The following C3 variants were observed in gnomAD, a reference collection of about 807,000 sequenced individuals.
C3 encodes complement C3.
In C3, 97 loss-of-function variants were observed where a neutral mutation model predicts 207.9. The ratio of observed to expected loss-of-function variants is 0.47; its 90% confidence interval spans 0.40 to 0.55. The LOEUF (loss-of-function observed/expected upper bound fraction) is 0.55. C3 is among the 20% of genes least tolerant of loss of function. C3 has a pLI of 0.00. For missense variants in C3, 1,684 were observed against 2,171.7 expected, an observed-to-expected ratio of 0.78 and a Z score of 4.46; for synonymous variants, 848 against 857.6, an observed-to-expected ratio of 0.99 and a Z score of 0.20.
chr19:6,706,946 C>T, intron 17 of C3, 130 bp downstream of exon 17: 3 of 678,992 alleles, frequency 4.4e-6, no homozygotes, highest in South Asian at 1.8e-5. Flanking sequence ...AGACAGGGGC[C>T]TCCTCCCCCC....
chr19:6,681,879 C>T (rs1254186963), intron 35 of C3, 62 bp downstream of exon 35: 10 of 1,214,088 alleles, frequency 8.2e-6, no homozygotes, highest in Non-Finnish European at 1.2e-5. Flanking sequence ...AAAAGAAAGA[C>T]CAGCCAGATA....
rs1967936901 is a variant in C3 at position 6,712,369 on chromosome 19, C to G, written c.1157G>C (p.Arg386Pro). The change falls in exon 11 of 41, where the codon CGA (arginine) becomes CCA (proline). Residue 386 changes from arginine to proline, a missense_variant. By Grantham distance (103) the Arg-to-Pro change is moderately radical. Transcript: ENST00000245907. ...VTNPDGSPAY[R>P]VPVAVQGEDT... Reference sequence around the variant, plus strand: ...CTCGCCCTGGACTGCCACGGGGACTCGGTAGGCTGGAGAGCCATCAGGGTT... The same window carrying G: ...CTCGCCCTGGACTGCCACGGGGACTGGGTAGGCTGGAGAGCCATCAGGGTT... 1 of 1,613,952 alleles carries G rather than the reference C, an allele frequency of 6.2e-7. No homozygotes were observed. Among genetic ancestry groups the G allele is most frequent in the South Asian group, 1.1e-5 (1 of 91,080 alleles).
rs375107570 is a variant in C3 at position 6,694,639 on chromosome 19, A to G, written c.2951-5T>C. 6.3e-5 allele frequency: 102 copies of G among 1,609,396 alleles called. No individual in the cohort carries two copies. The East Asian group carries it at 1.4e-3, about 22-fold the overall frequency. ...TCATCTGGGCCACTGGGGTCCCTGC[A>G]GCAGGTGGGAAGAGGACGTTGCTCA... is the stretch of plus-strand genomic sequence containing the variant. On this transcript the variant is annotated splice_polypyrimidine_tract_variant and splice_region_variant and intron_variant, in intron 23 of 40. Coordinates refer to ENST00000245907, the MANE Select transcript of C3 (RefSeq NM_000064.4).
intron 4 of C3, chr19:6,717,600 T>C (rs905118841): frequency 1.6e-5 from 4 of 257,390 alleles, no homozygotes; most frequent in Non-Finnish European, 3.1e-5. Flanking sequence ...TTGTGTGTTG[T>C]GTGTGTTTGT....
intron 2 of C3, 59 bp from the exon 3 acceptor site, chr19:6,718,471 G>T: frequency 1.2e-6 from 2 of 1,600,034 alleles, no homozygotes; most frequent in Non-Finnish European, 1.7e-6. Context: ...CCACGGTCCA[G>T]CTTCCGGATC....
chr19:6,720,335 A>G (rs1599530210), intron 1 of C3, among the ~76,000 whole-genome samples, 181 bp downstream of exon 1: 1 of 151,938 alleles, frequency 6.6e-6, no homozygotes, highest in African/African-American at 2.4e-5. Flanking sequence ...TTCCACAAAC[A>G]CCCAACCACA....
intron 19 of C3, among the ~76,000 whole-genome samples, chr19:6,701,108 C>T (rs1025891053): frequency 1.3e-5 from 2 of 152,042 alleles, no homozygotes; most frequent in Admixed American, 1.3e-4. Context: ...GCGAAAAGGA[C>T]GATGGCTACT....
intron 4 of C3, chr19:6,716,844 G>C (rs116303742): frequency 1.3e-5 from 2 of 152,166 alleles, no homozygotes; most frequent in Non-Finnish European, 2.9e-5. Flanking sequence ...GGGTATTTGC[G>C]ACTTTATAGG....
intron 14 of C3, among the ~76,000 whole-genome samples, chr19:6,709,405 G>T (rs1259434236): frequency 6.6e-6 from 1 of 152,100 alleles, no homozygotes. Context: ...CCGAGATTGT[G>T]CCACTGCACT....
At chr19:6,692,039 C>T (rs1019227979) in intron 26 of C3, among the ~76,000 whole-genome samples, 1 of 151,156 alleles carries the variant, frequency 6.6e-6, no homozygotes, top group Non-Finnish European at 1.5e-5. Context: ...CACACACTCA[C>T]ACCCCTCAGA....
intron 10 of C3, 51 bp from the exon 11 acceptor site, chr19:6,712,457 G>T: frequency 1.9e-6 from 3 of 1,614,128 alleles, no homozygotes; most frequent in Non-Finnish European, 2.5e-6. Flanking sequence ...CAGGGCTGTG[G>T]CCGGTGTCCC....
intron 39 of C3, 31 bp from the exon 40 acceptor site, chr19:6,678,318 G>C: frequency 6.2e-7 from 1 of 1,614,206 alleles, no homozygotes; most frequent in East Asian, 2.2e-5. Flanking sequence ...AAGAAGCTGA[G>C]TCGTGGGGAG....
chr19:6,682,306 C>A, intron 33 of C3, 77 bp from the exon 34 acceptor site: 1 of 1,075,914 alleles, frequency 9.3e-7, no homozygotes, highest in Non-Finnish European at 1.4e-6. Flanking sequence ...ACAAGGAGGT[C>A]TGATCAGGCA....
At position 6,693,010 on chromosome 19, in the gene C3, C is replaced by A. The variant is rs972312719; in HGVS notation, c.3304G>T (p.Gly1102Trp). ...TCCAGGATCAGCCATTTAACAGCCC[C>A]GCAGAGGACTTGGGAGTCGATGGCG... The part of the protein sequence containing the change: ...LIAIDSQVLC[G>W]AVKWLILEKQ... The change falls in exon 26 of 41, where the codon GGG becomes TGG. Residue 1102 changes from glycine (G) to tryptophan (W), a missense_variant. Gly to Trp is a radical substitution (Grantham distance 184). Around this residue, in one of 3 missense-constraint regions of C3, gnomAD observed 1,280 missense variants for 1,739.1 expected, o/e 0.74. Transcript: ENST00000245907. 20 of 1,614,072 alleles carry A rather than the reference C, an allele frequency of 1.2e-5. No individual in the cohort carries two copies. The highest frequency in any genetic ancestry group is 1.6e-5 in the Non-Finnish European group (19 of 1,180,034).
chr19:6,710,677 A>G lies in C3; in HGVS notation c.1648T>C (p.Ser550Pro). The change falls in exon 13 of 41, where the codon TCC (serine) becomes CCC (proline). Residue 550 changes from serine to proline, a missense_variant. Ser to Pro is a moderately conservative substitution (Grantham distance 74, BLOSUM62 -1). This residue lies in a region of C3 where 1,280 missense variants were observed against 1,739.1 expected (regional missense o/e 0.74). Coordinates refer to ENST00000245907, the MANE Select transcript of C3 (RefSeq NM_000064.4). ...GAGTCCTTGACGTCCACCCACACGG[A>G]GTCGGCCACCACCTCCCTCTGGCCG... ...ASGQREVVAD[S>P]VWVDVKDSCV... The G allele has an allele frequency of 6.2e-7, 1 of 1,613,348 alleles. No individual in the cohort carries two copies. Among genetic ancestry groups the G allele is most frequent in the East Asian group, 2.2e-5 (1 of 44,868 alleles).
At chr19:6,683,436 GT>G (rs1322521584) in intron 33 of C3, 4 of 117,470 alleles carry the variant, frequency 3.4e-5, no homozygotes, top group African/African-American at 1.3e-4. Context: ...TCTTTATTTT[GT>G]TTTATTCTAT....
At chr19:6,679,780 C>T (rs1917813278) in intron 36 of C3, among the ~76,000 whole-genome samples, 1 of 151,690 alleles carries the variant, frequency 6.6e-6, no homozygotes, top group African/African-American at 2.4e-5. Flanking sequence ...ATCTAGAATC[C>T]TTAGACCCTT....
Position 6,707,662 on chromosome 19 carries a change from C to T in C3, c.1976-125G>A, listed in dbSNP as rs11569431. 3.0e-3 allele frequency: 4,606 copies of T among 1,527,090 alleles called. 109 individuals carry two copies. In the African/African-American group the frequency reaches 0.053, roughly 18 times the overall value. The allele number at this position is 1,527,090 out of a possible 1,614,324, so 94.6% of individuals were successfully genotyped here. A position where few individuals can be genotyped will look rare whatever the true frequency, so the allele number is the denominator to read the frequency against. The stretch of plus-strand genomic sequence containing the variant: ...CATTTGATGGAAGAGCAAACTGAGG[C>T]TCAGAGGGGAGGGATTTACTAGGTG... On this transcript the variant is annotated intron_variant, in intron 15 of 40. Transcript: ENST00000245907.
Position 6,684,588 on chromosome 19 carries a change from C to A in C3, c.4092G>T (p.Lys1364Asn). ...DQLTCNKFDL[K>N]VTIKPAPETE... The stretch of plus-strand genomic sequence containing the variant: ...TTTCCGGTGCTGGTTTTATGGTGAC[C>A]TTGAGGTCGAATTTATTACAGGTGA... The change falls in exon 32 of 41, where the codon AAG (lysine) becomes AAT (asparagine). Residue 1364 changes from lysine to asparagine, a missense_variant. By Grantham distance (94) the Lys-to-Asn change is moderately conservative. This residue lies in a region of C3 where 346 missense variants were observed against 380.1 expected (regional missense o/e 0.91). Coordinates refer to ENST00000245907, the MANE Select transcript of C3 (RefSeq NM_000064.4). 1 of 1,614,040 alleles carries A rather than the reference C, an allele frequency of 6.2e-7. No homozygotes were observed. Among genetic ancestry groups the A allele is most frequent in the Non-Finnish European group, 8.5e-7 (1 of 1,179,964 alleles).
Sources: allele counts gnomAD v4.1 joint callset (sites outside exome capture counted in the v4.1 genomes callset), GRCh38; gene constraint gnomAD v4.1.1; regional missense constraint gnomAD v4.1.1; transcripts MANE v1.5; gene names NCBI Gene and HGNC (gene_info 2026-07-23, HGNC 2026-07-21).